Variants in CACNB2 observed in about 807,000 individuals in gnomAD.
The protein encoded by CACNB2 is voltage-dependent L-type calcium channel subunit beta-2.
Under a neutral mutation model 73.3 loss-of-function variants are expected in CACNB2, and 42 were observed. The observed-to-expected ratio is 0.57, with a 90% CI of 0.45 to 0.74. The LOEUF is 0.74. Ranked by LOEUF, CACNB2 falls within the 30% of genes least tolerant of loss-of-function variation. The probability of loss-of-function intolerance (pLI) is 0.00; values close to 1 mark genes in which losing one functional copy is unlikely to be tolerated. For missense variants in CACNB2, 940 were observed against 853.0 expected, an observed-to-expected ratio of 1.10 and a Z score of -1.27; for synonymous variants, 348 against 310.3, an observed-to-expected ratio of 1.12 and a Z score of -1.28.
intron 2 of CACNB2, among the ~76,000 whole-genome samples, chr10:18,393,563 A>G (rs1368389384): frequency 6.6e-6 from 1 of 152,232 alleles, no homozygotes; most frequent in Non-Finnish European, 1.5e-5. Context: ...TTTGTACTTT[A>G]TAATAACTTC....
intron 2 of CACNB2, among the ~76,000 whole-genome samples, chr10:18,186,335 C>T (rs1211588053): frequency 1.3e-5 from 2 of 151,830 alleles, no homozygotes; most frequent in African/African-American, 2.4e-5. Context: ...AAGAGAATTG[C>T]TTGAACCTGG....
At chr10:18,263,265 G>T (rs551178312) in intron 2 of CACNB2, among the ~76,000 whole-genome samples, 1 of 152,164 alleles carries the variant, frequency 6.6e-6, no homozygotes, top group African/African-American at 2.4e-5. Flanking sequence ...CTGTAACGGA[G>T]ACTTTAGATT....
At position 18,315,515 on chromosome 10, in the gene CACNB2, A is replaced by AC. The variant is rs1339036274; in HGVS notation, c.214-86409_214-86408insC. ...GTCTCTATTTAAAAAAAAAAAAAAA[A>AC]AAAAAAAAAAAAACTTTTTTTTTTT... On this transcript the variant is annotated intron_variant, in intron 2 of 13. Coordinates refer to ENST00000324631, the MANE Select transcript of CACNB2 (RefSeq NM_201596.3). Among the ~76,000 whole-genome samples, 20 of 132,148 alleles carry AC rather than the reference A, an allele frequency of 1.5e-4. No homozygotes were observed. In the South Asian group the frequency reaches 3.2e-3, roughly 21 times the overall value. 86.7% of individuals were successfully genotyped at this position (132,148 alleles called of 152,430 possible). A position where few individuals can be genotyped will look rare whatever the true frequency, so the allele number is the denominator to read the frequency against.
Position 18,146,906 on chromosome 10 carries a change from A to G in CACNB2, c.121-3977A>G, listed in dbSNP as rs138576067. The stretch of plus-strand genomic sequence containing the variant: ...TCAAAGTGCTGGGATTACAAGCATG[A>G]GCCACCGTGCCCGGCCTAATTTTAA... On this transcript the variant is annotated intron_variant, in intron 1 of 13. Transcript: ENST00000324631. Among the ~76,000 whole-genome samples the G allele has an allele frequency of 1.6e-3, 243 of 152,318 alleles. 3 individuals carry two copies. Among genetic ancestry groups the G allele is most frequent in the African/African-American group, 5.6e-3 (233 of 41,582 alleles).
intron 2 of CACNB2, among the ~76,000 whole-genome samples, chr10:18,326,199 A>G (rs925021410): frequency 2.0e-5 from 3 of 152,258 alleles, no homozygotes; most frequent in Non-Finnish European, 4.4e-5. Flanking sequence ...AGTTTTAAAA[A>G]GGAAAAAAAT....
intron 2 of CACNB2, among the ~76,000 whole-genome samples, chr10:18,177,467 A>ACG (rs2033663200): frequency 9.2e-5 from 3 of 32,742 alleles, no homozygotes; most frequent in African/African-American, 2.7e-4. Context: ...TAAAAATGCA[A>ACG]AAAAAAAAAA....
chr10:18,478,120 C>T (rs142183540), intron 3 of CACNB2, among the ~76,000 whole-genome samples: 2,239 of 152,150 alleles, frequency 0.015, 58 homozygotes, highest in African/African-American at 0.051. Context: ...TTAGTAGAAA[C>T]GGGATTTCAC....
intron 2 of CACNB2, among the ~76,000 whole-genome samples, chr10:18,330,889 G>A (rs539940589): frequency 1.3e-5 from 2 of 151,866 alleles, no homozygotes; most frequent in South Asian, 4.2e-4. Context: ...GGCTGGTCTC[G>A]AACTCCTGGC....
chr10:18,411,355 C>T (rs1249513734), intron 3 of CACNB2, among the ~76,000 whole-genome samples: 1 of 152,124 alleles, frequency 6.6e-6, no homozygotes, highest in East Asian at 1.9e-4. Flanking sequence ...CAATCACACA[C>T]ATTGGTACTG....
In CACNB2 at chr10:18,171,521, G is replaced by GA. The variant is rs370201485; in HGVS notation, c.213+20574dup. The stretch of plus-strand genomic sequence containing the variant: ...TCCCTTCTTCCCGGCTTTGATAGCA[G>GA]AAAAAAAAAAAAAAAAAAAAAAAAA... On this transcript the variant is annotated intron_variant, in intron 2 of 13. Transcript: ENST00000324631. Among the ~76,000 whole-genome samples the GA allele has an allele frequency of 5.1e-3, 167 of 32,584 alleles. 17 individuals are homozygous for GA. Among genetic ancestry groups the GA allele is most frequent in the East Asian group, 8.3e-3 (10 of 1,208 alleles). The allele number at this position is 32,584 out of a possible 152,430, so 21.4% of individuals were successfully genotyped here. A position where few individuals can be genotyped will look rare whatever the true frequency, so the allele number is the denominator to read the frequency against.
intron 7 of CACNB2, among the ~76,000 whole-genome samples, chr10:18,514,787 C>G (rs775721571): frequency 2.0e-5 from 3 of 152,224 alleles, no homozygotes; most frequent in Admixed American, 2.0e-4. Context: ...CAAACACTGA[C>G]AGCTCCACAT....
intron 2 of CACNB2, among the ~76,000 whole-genome samples, chr10:18,359,642 C>T (rs1015542083): frequency 4.6e-5 from 7 of 151,392 alleles, no homozygotes; most frequent in South Asian, 2.1e-4. Context: ...CTGGGGTACA[C>T]GTGCAGAACA....
chr10:18,283,662 C>G (rs927292846), intron 2 of CACNB2, among the ~76,000 whole-genome samples: 1 of 117,020 alleles, frequency 8.5e-6, no homozygotes, highest in African/African-American at 3.4e-5. Flanking sequence ...CACACTGGGG[C>G]CTGTCATGAG....
chr10:18,248,037 C>T (rs1220715309), intron 2 of CACNB2, among the ~76,000 whole-genome samples: 1 of 152,190 alleles, frequency 6.6e-6, no homozygotes, highest in Non-Finnish European at 1.5e-5. Flanking sequence ...CCAAAGGCCT[C>T]TCCTAATTCC....
chr10:18,452,427 CA>C lies in CACNB2; in HGVS notation c.334-45925del, dbSNP rs2047060984. 2.0e-5 allele frequency among the ~76,000 whole-genome samples: 3 copies of C among 152,154 alleles called. No individual in the cohort carries two copies. In the South Asian group the frequency reaches 6.3e-4, roughly 32 times the overall value. On this transcript the variant is annotated intron_variant, in intron 3 of 13. Transcript: ENST00000324631. Reference sequence around the variant, plus strand: ...TGAGTGGCAGAGAAACACTGTGTCTCAAATAATAATAAGTAGAACCATAGCA... The same window carrying C: ...TGAGTGGCAGAGAAACACTGTGTCTCAATAATAATAAGTAGAACCATAGCA...
chr10:18,505,087 TAATAG>T (rs1395430187), intron 5 of CACNB2, among the ~76,000 whole-genome samples: 1 of 152,210 alleles, frequency 6.6e-6, no homozygotes, highest in Non-Finnish European at 1.5e-5. Context: ...CTTGGCATTT[TAATAG>T]AATTAAAAGT....
intron 2 of CACNB2, among the ~76,000 whole-genome samples, chr10:18,346,233 G>A (rs1247926115): frequency 9.2e-5 from 14 of 151,672 alleles, no homozygotes; most frequent in Non-Finnish European, 1.8e-4. Context: ...TCTGCCTCCC[G>A]GGTTCAAACG....
chr10:18,418,199 C>T (rs183466752), intron 3 of CACNB2, among the ~76,000 whole-genome samples: 25 of 152,286 alleles, frequency 1.6e-4, no homozygotes, highest in Non-Finnish European at 2.8e-4. Flanking sequence ...CTCATCCTCC[C>T]GAGGAGTTGG....
Position 18,448,495 on chromosome 10 carries a change from A to AG in CACNB2, c.333+46452_333+46453insG, listed in dbSNP as rs1554821513. On this transcript the variant is annotated intron_variant, in intron 3 of 13. Coordinates refer to ENST00000324631, the MANE Select transcript of CACNB2 (RefSeq NM_201596.3). ...TCTCTCATTTAAAAAAAAAAAAAAAAAAAAAAGAAAAGAAAAGAAAGAAAG... is the reference window on the plus strand; with the variant it reads ...TCTCTCATTTAAAAAAAAAAAAAAAAGAAAAAAGAAAAGAAAAGAAAGAAAG... Among the ~76,000 whole-genome samples the AG allele has an allele frequency of 5.3e-5, 8 of 151,188 alleles. No individual in the cohort carries two copies. In the East Asian group the frequency reaches 5.8e-4, roughly 11 times the overall value.
Sources: gnomAD v4.1 joint callset for allele counts (sites outside exome capture counted in the v4.1 genomes callset) on GRCh38, gnomAD v4.1.1 for gene constraint, MANE v1.5 for transcripts, NCBI Gene and HGNC (gene_info 2026-07-23, HGNC 2026-07-21) for gene names.